The following UTRN variants were observed in gnomAD, a reference collection of about 807,000 sequenced individuals.
UTRN encodes the protein dystrophin-related protein 1.
A neutral mutation model predicts 463.9 loss-of-function variants in UTRN; 283 were observed. That is an observed-to-expected ratio of 0.61 (90% CI 0.55 to 0.67). The LOEUF is 0.67. UTRN is among the 30% of genes least tolerant of loss of function. UTRN has a pLI of 0.00. For missense variants in UTRN, 3,922 were observed against 4,084.3 expected, an observed-to-expected ratio of 0.96 and a Z score of 1.08; for synonymous variants, 1,442 against 1,431.5, an observed-to-expected ratio of 1.01 and a Z score of -0.17.
chr6:144,760,593 G>T (rs1455856607), intron 58 of UTRN, among the ~76,000 whole-genome samples: 1 of 152,060 alleles, frequency 6.6e-6, no homozygotes, highest in African/African-American at 2.4e-5. Context: ...AATTCTGAAG[G>T]TAGAGTTATA....
At chr6:144,369,690 C>T (rs909360576) in intron 2 of UTRN, among the ~76,000 whole-genome samples, 2 of 152,200 alleles carry the variant, frequency 1.3e-5, no homozygotes, top group Non-Finnish European at 2.9e-5. Flanking sequence ...TTGGTTGTGT[C>T]CCCACACAAA....
chr6:144,743,274 T>C (rs1790302797), intron 54 of UTRN, among the ~76,000 whole-genome samples: 1 of 152,192 alleles, frequency 6.6e-6, no homozygotes. Flanking sequence ...AATGTTGATA[T>C]CATAATTGAG....
At chr6:144,671,144 T>C (rs906312269) in intron 51 of UTRN, among the ~76,000 whole-genome samples, 1 of 103,704 alleles carries the variant, frequency 9.6e-6, no homozygotes, top group Admixed American at 9.7e-5. Context: ...ATATGAATTT[T>C]AGAGTTTTTT....
intron 54 of UTRN, among the ~76,000 whole-genome samples, chr6:144,746,013 T>C (rs1435875321): frequency 6.6e-6 from 1 of 151,724 alleles, no homozygotes; most frequent in African/African-American, 2.4e-5. Flanking sequence ...TCTTTTTTTT[T>C]TCCTGAGATG....
intron 53 of UTRN, among the ~76,000 whole-genome samples, chr6:144,709,252 T>C (rs1785411784): frequency 2.0e-5 from 3 of 152,196 alleles, no homozygotes; most frequent in Admixed American, 1.3e-4. Flanking sequence ...GATGTAGCTT[T>C]AAACAGAACA....
chr6:144,691,387 G>C (rs1783398996), intron 52 of UTRN, among the ~76,000 whole-genome samples: 1 of 152,324 alleles, frequency 6.6e-6, no homozygotes, highest in African/African-American at 2.4e-5. Flanking sequence ...AAAGTGCTAG[G>C]GTTACAGGCG....
At chr6:144,577,794 G>A (rs79296146) in intron 51 of UTRN, among the ~76,000 whole-genome samples, 4,234 of 152,258 alleles carry the variant, frequency 0.028, 205 homozygotes, top group African/African-American at 0.097. Flanking sequence ...TACACAAAAT[G>A]TGCTAATATA....
intron 53 of UTRN, among the ~76,000 whole-genome samples, chr6:144,701,596 A>G (rs1007719157): frequency 1.3e-5 from 2 of 152,136 alleles, no homozygotes; most frequent in African/African-American, 4.8e-5. Context: ...TTTCTTGTAT[A>G]TACATATCAT....
In UTRN at chr6:144,797,959, A is replaced by T. The variant is rs1484072850; in HGVS notation, c.9214A>T (p.Ile3072Phe). ...ETAKHQAKCN[I>F]CKECPIVGFR... ...TGCAAAACATCAGGCCAAATGCAAC[A>T]TCTGTAAAGAATGTCCAATTGTCGG... Residue 3072 changes from isoleucine to phenylalanine, a missense_variant, in exon 64 of 75, where the codon ATC (isoleucine) becomes TTC (phenylalanine). This residue lies in a region of UTRN where 1,309 missense variants were observed against 1,452.6 expected (regional missense o/e 0.90). Coordinates refer to ENST00000367545, the MANE Select transcript of UTRN (RefSeq NM_007124.3). 1.2e-6 allele frequency: 2 copies of T among 1,614,160 alleles called. No homozygotes were observed. The highest frequency in any genetic ancestry group is 1.7e-5 in the Admixed American group (1 of 60,018).
chr6:144,591,449 A>G (rs1281536353), intron 51 of UTRN, among the ~76,000 whole-genome samples: 1 of 152,228 alleles, frequency 6.6e-6, no homozygotes, highest in East Asian at 1.9e-4. Flanking sequence ...TTTCTGGATT[A>G]TAGATTAGGC....
intron 13 of UTRN, among the ~76,000 whole-genome samples, chr6:144,443,519 A>T (rs1253743755): frequency 1.3e-5 from 2 of 152,222 alleles, no homozygotes; most frequent in Non-Finnish European, 2.9e-5. Context: ...TATAATATGA[A>T]TTAAATAATT....
At chr6:144,292,837 G>A (rs79054220) in intron 2 of UTRN, among the ~76,000 whole-genome samples, 1,528 of 152,288 alleles carry the variant, frequency 0.01, 34 homozygotes, top group African/African-American at 0.034. Flanking sequence ...CCATCTTTAT[G>A]TTCTGTTAGG....
chr6:144,697,170 CAAT>C (rs1784104932), intron 52 of UTRN, among the ~76,000 whole-genome samples: 1 of 152,044 alleles, frequency 6.6e-6, no homozygotes, highest in Non-Finnish European at 1.5e-5. Flanking sequence ...ATAATACAGT[CAAT>C]AAAAGTGTTT....
In UTRN at chr6:144,360,533, C is replaced by T. The variant is rs915464047; in HGVS notation, c.80-42590C>T. ...TAGCTGTAGCAGAGGCTGCTATTGA[C>T]CCCACTCCCTGCTGTCAGTACTTCT... On this transcript the variant is annotated intron_variant, in intron 2 of 74. Coordinates refer to ENST00000367545, the MANE Select transcript of UTRN (RefSeq NM_007124.3). Among the ~76,000 whole-genome samples, 4 of 152,256 alleles carry T rather than the reference C, an allele frequency of 2.6e-5. No individual in the cohort carries two copies. The South Asian group carries it at 8.3e-4, about 32-fold the overall frequency.
chr6:144,755,082 G>T (rs570581616), intron 57 of UTRN, among the ~76,000 whole-genome samples: 1 of 152,120 alleles, frequency 6.6e-6, no homozygotes, highest in African/African-American at 2.4e-5. Context: ...TCATTGCTTT[G>T]TCATAGGCAA....
chr6:144,490,273 T>C (rs2128578826), intron 31 of UTRN, 74 bp downstream of exon 31: 2 of 1,543,292 alleles, frequency 1.3e-6, no homozygotes, highest in South Asian at 2.5e-5. Flanking sequence ...AAAGAATTGA[T>C]TACTTGGGCA....
At chr6:144,788,015 G>A (rs922057078) in intron 61 of UTRN, among the ~76,000 whole-genome samples, 14 of 152,152 alleles carry the variant, frequency 9.2e-5, no homozygotes, top group Admixed American at 2.6e-4. Flanking sequence ...TGGGACTACT[G>A]TGACTAACAT....
At chr6:144,842,825 C>A (rs189081519) in intron 73 of UTRN, among the ~76,000 whole-genome samples, 1 of 151,976 alleles carries the variant, frequency 6.6e-6, no homozygotes, top group African/African-American at 2.4e-5. Context: ...TCCCCACCCC[C>A]CAAAGCACAT....
At chr6:144,604,440 T>C (rs1804602301) in intron 51 of UTRN, among the ~76,000 whole-genome samples, 2 of 152,224 alleles carry the variant, frequency 1.3e-5, no homozygotes, top group African/African-American at 4.8e-5. Flanking sequence ...ATTATGAAAC[T>C]GACTTTAGAC....
Sources: allele counts gnomAD v4.1 joint callset (sites outside exome capture counted in the v4.1 genomes callset), GRCh38; gene constraint gnomAD v4.1.1; regional missense constraint gnomAD v4.1.1; transcripts MANE v1.5; gene names NCBI Gene and HGNC (gene_info 2026-07-23, HGNC 2026-07-21).